ZNF423: variants seen among roughly 807,000 people sequenced by gnomAD.
ZNF423 encodes zinc finger protein 423, also known as Ebf-associated zinc finger protein.
A neutral mutation model predicts 95.8 loss-of-function variants in ZNF423; 12 were observed. The observed-to-expected ratio is 0.13, with a 90% confidence interval of 0.08 to 0.20. The LOEUF (loss-of-function observed/expected upper bound fraction) is 0.20, where lower values mean the gene tolerates loss of function less well. Ranked by LOEUF, ZNF423 falls within the 10% of genes least tolerant of loss-of-function variation. The pLI, the probability that ZNF423 is intolerant of heterozygous loss-of-function variation, is 1.00. For synonymous variants in ZNF423, 749 were observed against 711.9 expected (o/e 1.05, Z -0.83); for missense variants, 1,316 against 1,737.1 (o/e 0.76, Z 4.31).
At chr16:49,563,875 T>C (rs1176489994) in intron 5 of ZNF423, among the ~76,000 whole-genome samples, 1 of 152,228 alleles carries the variant, frequency 6.6e-6, no homozygotes, top group Non-Finnish European at 1.5e-5. Flanking sequence ...CCATGTCTGC[T>C]CAAGAGCCTC....
intron 5 of ZNF423, among the ~76,000 whole-genome samples, chr16:49,581,666 T>C (rs2151802480): frequency 6.6e-6 from 1 of 152,332 alleles, no homozygotes; most frequent in South Asian, 2.1e-4. Context: ...CTCATCTAAC[T>C]CCCTGAAAGT....
chr16:49,671,259 G>A (rs1011400059), intron 3 of ZNF423, among the ~76,000 whole-genome samples: 2 of 152,178 alleles, frequency 1.3e-5, no homozygotes, highest in Non-Finnish European at 2.9e-5. Flanking sequence ...AGGCAGTGAG[G>A]GTAAGGGACG....
Position 49,648,860 on chromosome 16 carries a change from C to T in ZNF423, c.302-9986G>A, listed in dbSNP as rs369352346. On this transcript the variant is annotated intron_variant, in intron 3 of 7. Coordinates refer to ENST00000563137, the MANE Select transcript of ZNF423 (RefSeq NM_001379286.1). The stretch of plus-strand genomic sequence containing the variant: ...AGATCTCCTAGATCAAATTAGAGAG[C>T]ATCTAGGAAATTTGGGGGTATTGCT... Among the ~76,000 whole-genome samples the T allele has an allele frequency of 2.0e-4, 30 of 152,130 alleles. 1 individual carries two copies. In the South Asian group the frequency reaches 4.6e-3, roughly 23 times the overall value.
chr16:49,773,884 A>T (rs1385092350), intron 2 of ZNF423, among the ~76,000 whole-genome samples: 1 of 152,222 alleles, frequency 6.6e-6, no homozygotes. Flanking sequence ...TGACAACCAC[A>T]TGGGCCTTGG....
At chr16:49,781,318 G>A (rs891562898) in intron 2 of ZNF423, among the ~76,000 whole-genome samples, 2 of 152,110 alleles carry the variant, frequency 1.3e-5, no homozygotes, top group African/African-American at 2.4e-5. Context: ...GGGGAGAGGC[G>A]GAGAATAACA....
chr16:49,664,098 C>A, intron 3 of ZNF423: 3 of 985,618 alleles, frequency 3.0e-6, no homozygotes, highest in African/African-American at 3.5e-5. Context: ...TACCTTTCCC[C>A]CTGCTCACCA....
At chr16:49,519,287 C>T (rs2151697785) in intron 7 of ZNF423, among the ~76,000 whole-genome samples, 1 of 152,100 alleles carries the variant, frequency 6.6e-6, no homozygotes, top group South Asian at 2.1e-4. Flanking sequence ...TCCTTTTTTT[C>T]TTGGGTAAAC....
At chr16:49,621,056 G>C (rs1376507460) in intron 5 of ZNF423, among the ~76,000 whole-genome samples, 1 of 152,196 alleles carries the variant, frequency 6.6e-6, no homozygotes, top group African/African-American at 2.4e-5. Flanking sequence ...CCCAAGGCAG[G>C]GGCCTCCTGC....
chr16:49,785,943 C>A (rs1279848900), intron 2 of ZNF423, among the ~76,000 whole-genome samples: 1 of 152,174 alleles, frequency 6.6e-6, no homozygotes, highest in East Asian at 1.9e-4. Context: ...TGTGTGTGTC[C>A]GAAAGAGAAT....
chr16:49,732,379 T>A (rs1486865039), intron 2 of ZNF423, among the ~76,000 whole-genome samples: 2 of 152,210 alleles, frequency 1.3e-5, no homozygotes, highest in Non-Finnish European at 2.9e-5. Context: ...AATTTGTGTG[T>A]TAAAATGCAG....
intron 2 of ZNF423, among the ~76,000 whole-genome samples, chr16:49,778,196 TGTGTGTGTGTGC>T (rs949294439): frequency 6.6e-6 from 1 of 152,172 alleles, no homozygotes; most frequent in Non-Finnish European, 1.5e-5. Context: ...TGTGAGAGTG[TGTGTGTGTGTGC>T]GTGTGTGTGC....
intron 1 of ZNF423, among the ~76,000 whole-genome samples, chr16:49,830,156 G>A (rs182628916): frequency 1.8e-4 from 27 of 152,290 alleles, no homozygotes; most frequent in African/African-American, 5.5e-4. Context: ...GGAAGGCCGC[G>A]CAGAAGAGGT....
intron 5 of ZNF423, among the ~76,000 whole-genome samples, chr16:49,551,971 T>C (rs1969657561): frequency 6.6e-6 from 1 of 152,250 alleles, no homozygotes; most frequent in Admixed American, 6.5e-5. Flanking sequence ...TGTGTGTGCA[T>C]GCACTCATGC....
In ZNF423 at chr16:49,677,815, C is replaced by T. The variant is rs976825135; in HGVS notation, c.302-38941G>A. On this transcript the variant is annotated intron_variant, in intron 3 of 7. Coordinates refer to ENST00000563137, the MANE Select transcript of ZNF423 (RefSeq NM_001379286.1). The stretch of plus-strand genomic sequence containing the variant: ...GATTAGAAATGCAGAATTTCAGGTC[C>T]ACCTGGAGCTGCTAAATAAGAATCT... Among the ~76,000 whole-genome samples the T allele has an allele frequency of 4.0e-5, 6 of 151,736 alleles. No homozygotes were observed. The South Asian group carries it at 1.3e-3, about 32-fold the overall frequency.
chr16:49,492,498 G>A lies in ZNF423; in HGVS notation c.3850-1194C>T, dbSNP rs1379733154. Among the ~76,000 whole-genome samples the A allele has an allele frequency of 6.6e-6, 1 of 151,366 alleles. No individual in the cohort carries two copies. Among genetic ancestry groups the A allele is most frequent in the African/African-American group, 2.5e-5 (1 of 40,806 alleles). Reference sequence around the variant, plus strand: ...GGCCGGGGCCGGGGCCGGGGCCGGGGCCGAGACGGGCCACTCCTGCTCCCT... The same window carrying A: ...GGCCGGGGCCGGGGCCGGGGCCGGGACCGAGACGGGCCACTCCTGCTCCCT... On this transcript the variant is annotated intron_variant, in intron 7 of 7. Transcript: ENST00000563137. The surrounding 1 kb of genome is among the most constrained non-coding windows in gnomAD (Gnocchi z 4.2).
chr16:49,563,709 G>C (rs1441973316), intron 5 of ZNF423, among the ~76,000 whole-genome samples: 1 of 152,156 alleles, frequency 6.6e-6, no homozygotes, highest in East Asian at 1.9e-4. Flanking sequence ...CCTTGGACCA[G>C]GCCAATGGCA....
intron 3 of ZNF423, among the ~76,000 whole-genome samples, chr16:49,723,538 A>C (rs182151714): frequency 6.6e-6 from 1 of 152,200 alleles, no homozygotes. Flanking sequence ...TGGTTTTCAC[A>C]ATGTAGAATT....
chr16:49,640,090 G>C (rs1320361438), intron 3 of ZNF423, among the ~76,000 whole-genome samples: 1 of 152,134 alleles, frequency 6.6e-6, no homozygotes, highest in African/African-American at 2.4e-5. Context: ...CCTTGCTCTT[G>C]TAACCCCGAG....
At chr16:49,848,715 G>A (rs1162293932) in intron 1 of ZNF423, among the ~76,000 whole-genome samples, 1 of 152,140 alleles carries the variant, frequency 6.6e-6, no homozygotes, top group African/African-American at 2.4e-5. Context: ...AATTAGTCCT[G>A]ACAAATTGCT....
Sources: allele counts gnomAD v4.1 joint callset (sites outside exome capture counted in the v4.1 genomes callset), GRCh38; gene constraint gnomAD v4.1.1; non-coding constraint Gnocchi (gnomAD v3.1); transcripts MANE v1.5; gene names NCBI Gene and HGNC (gene_info 2026-07-23, HGNC 2026-07-21).